Variants in FCER1A observed in about 807,000 individuals in gnomAD.
The protein encoded by FCER1A is high affinity immunoglobulin epsilon receptor subunit alpha.
In FCER1A, 24 loss-of-function variants were observed where a neutral mutation model predicts 23.6. The ratio of observed to expected loss-of-function variants is 1.02; its 90% CI spans 0.74 to 1.43. The LOEUF (loss-of-function observed/expected upper bound fraction) is 1.43, where lower values mean the gene tolerates loss of function less well. FCER1A is among the 40% of genes most tolerant of loss of function. The pLI, the probability that FCER1A is intolerant of heterozygous loss-of-function variation, is 0.00. For synonymous variants in FCER1A, 121 were observed against 108.8 expected (o/e 1.11, Z -0.70); for missense variants, 318 against 294.5 (o/e 1.08, Z -0.58).
the FCER1A span, among the ~76,000 whole-genome samples, chr1:159,283,616 C>A: frequency 1.3e-5 from 2 of 152,146 alleles, no homozygotes; most frequent in African/African-American, 2.4e-5. Flanking sequence ...GGTGAAAAAA[C>A]CTTGTATTCA....
intron 1 of FCER1A, among the ~76,000 whole-genome samples, chr1:159,291,423 A>G (rs747731916): frequency 6.6e-5 from 10 of 152,264 alleles, no homozygotes; most frequent in Middle Eastern, 6.8e-3. Context: ...ATGATCTGTA[A>G]CAGTCTTTTT....
rs768690830 is a variant in FCER1A, at chr1:159,306,237, T to A, written c.581T>A (p.Val194Glu). ...DYESEPLNIT[V>E]IKAPREKYWL... ...GAGTCTGAGCCCCTCAACATTACTG[T>A]AATAAAAGGTGAGTTGGTAAAGGAA... Residue 194 changes from valine to glutamate, a missense_variant, in exon 4 of 5, where the codon GTA becomes GAA. By Grantham distance (121) the Val-to-Glu change is moderately radical. Transcript: ENST00000693622. 1 of 1,612,756 alleles carries A rather than the reference T, an allele frequency of 6.2e-7. No homozygotes were observed.
chr1:159,299,682 G>A (rs760232201), upstream of FCER1A, among the ~76,000 whole-genome samples: 1 of 152,120 alleles, frequency 6.6e-6, no homozygotes, highest in Non-Finnish European at 1.5e-5. Context: ...TTCAGTGAAC[G>A]TGTGTTCCTG....
upstream of FCER1A, among the ~76,000 whole-genome samples, chr1:159,297,492 G>A (rs1652322216): frequency 6.6e-6 from 1 of 152,136 alleles, no homozygotes; most frequent in Non-Finnish European, 1.5e-5. Flanking sequence ...TATATGTTCT[G>A]TTCTAACCAC....
intron 1 of FCER1A, among the ~76,000 whole-genome samples, chr1:159,292,343 A>T (rs779807988): frequency 1.3e-5 from 2 of 152,074 alleles, no homozygotes; most frequent in Admixed American, 6.6e-5. Context: ...TTTCTCCCCC[A>T]ATTCTAGTAC....
intron 1 of FCER1A, among the ~76,000 whole-genome samples, chr1:159,292,618 A>G (rs1055624746): frequency 2.0e-5 from 3 of 152,136 alleles, no homozygotes; most frequent in Non-Finnish European, 4.4e-5. Context: ...CGACATACCT[A>G]TCTATATATA....
chr1:159,284,759 T>C (rs541417686), upstream of FCER1A, among the ~76,000 whole-genome samples: 1 of 152,326 alleles, frequency 6.6e-6, no homozygotes, highest in South Asian at 2.1e-4. Context: ...TTATTACTTT[T>C]GTAGCCTTTC....
chr1:159,285,973 T>G (rs1357769026), upstream of FCER1A, among the ~76,000 whole-genome samples: 1 of 152,204 alleles, frequency 6.6e-6, no homozygotes, highest in Non-Finnish European at 1.5e-5. Context: ...TCACTTGAGA[T>G]CAGGAGTGCA....
chr1:159,303,939 C>A lies in FCER1A; in HGVS notation c.88C>A (p.Pro30Thr), dbSNP rs776199026. The A allele has an allele frequency of 6.2e-7, 1 of 1,611,992 alleles. No homozygotes were observed. Among genetic ancestry groups the A allele is most frequent in the African/African-American group, 1.3e-5 (1 of 74,958 alleles). The change falls in exon 3 of 5, where the codon CCT (proline) becomes ACT (threonine). Residue 30 changes from proline (P) to threonine (T), a missense_variant. Physicochemically the swap from Pro to Thr is conservative, Grantham distance 38. Coordinates refer to ENST00000693622, the MANE Select transcript of FCER1A (RefSeq NM_001387280.1). ...TTATCTTCTTGAAGTCCCTCAGAAA[C>A]CTAAGGTCTCCTTGAACCCTCCATG... ...PDGVLAVPQK[P>T]KVSLNPPWNR...
chr1:159,306,190 C>T lies in FCER1A; in HGVS notation c.534C>T (p.Gly178=). ...VEDSGTYYCT[G]KVWQLDYESE... is the part of the protein sequence containing the mutation. The stretch of plus-strand genomic sequence containing the variant: ...ACAGTGGAACCTACTACTGTACGGG[C>T]AAAGTGTGGCAGCTGGACTATGAGT... The change falls in exon 4 of 5, where the codon GGC becomes GGT. Residue 178 remains glycine (G), a synonymous_variant. Transcript: ENST00000693622. 1 of 1,613,974 alleles carries T rather than the reference C, an allele frequency of 6.2e-7. No individual in the cohort carries two copies. The highest frequency in any genetic ancestry group is 1.1e-5 in the South Asian group (1 of 91,072).
At chr1:159,292,136 T>G (rs1217191514) in intron 1 of FCER1A, among the ~76,000 whole-genome samples, 1 of 152,144 alleles carries the variant, frequency 6.6e-6, no homozygotes, top group Non-Finnish European at 1.5e-5. Context: ...TTTTTCTCTC[T>G]CTTCAGCTGA....
At position 159,308,167 on chromosome 1, in the gene FCER1A, G is replaced by C. The variant is rs1652674271; in HGVS notation, c.*235G>C. ...GATTCATTTATTAGCATTTGTAAAA[G>C]AGATGTTCAATTTCAATAAAATAAA... On this transcript the variant is annotated 3_prime_UTR_variant, in exon 5 of 5. Coordinates refer to ENST00000693622, the MANE Select transcript of FCER1A (RefSeq NM_001387280.1). 2 of 407,612 alleles carry C rather than the reference G, an allele frequency of 4.9e-6. No individual in the cohort carries two copies. The highest frequency in any genetic ancestry group is 2.0e-5 in the African/African-American group (1 of 49,544). The allele number at this position is 407,612 out of a possible 1,614,324, so 25.2% of individuals were successfully genotyped here.
chr1:159,288,600 C>T (rs1652074765), upstream of FCER1A, among the ~76,000 whole-genome samples: 1 of 152,188 alleles, frequency 6.6e-6, no homozygotes, highest in South Asian at 2.1e-4. Context: ...CAGAGCTCTA[C>T]TGCACTCTTA....
At chr1:159,291,121 G>A (rs1243902505) in intron 1 of FCER1A, among the ~76,000 whole-genome samples, 1 of 152,112 alleles carries the variant, frequency 6.6e-6, no homozygotes, top group Non-Finnish European at 1.5e-5. Context: ...AATCTTACTA[G>A]CACAGTAGAA....
chr1:159,305,509 A>G (rs1012422744), intron 3 of FCER1A, among the ~76,000 whole-genome samples: 3 of 152,168 alleles, frequency 2.0e-5, no homozygotes, highest in Non-Finnish European at 4.4e-5. Flanking sequence ...CATTAAATAA[A>G]GAATTACATA....
intron 1 of FCER1A, among the ~76,000 whole-genome samples, chr1:159,290,388 C>T (rs1333492903): frequency 1.3e-5 from 2 of 151,962 alleles, no homozygotes; most frequent in African/African-American, 4.8e-5. Context: ...CCTGCAAACC[C>T]TAGCAGTGTC....
At chr1:159,307,071 A>G (rs1056853974) in intron 4 of FCER1A, among the ~76,000 whole-genome samples, 1 of 152,182 alleles carries the variant, frequency 6.6e-6, no homozygotes, top group Non-Finnish European at 1.5e-5. Flanking sequence ...AAATATATTG[A>G]TGCTCATGTC....
upstream of FCER1A, among the ~76,000 whole-genome samples, chr1:159,288,073 G>A (rs1652060567): frequency 6.6e-6 from 1 of 152,122 alleles, no homozygotes; most frequent in Admixed American, 6.6e-5. Context: ...AGGTAAGAAT[G>A]GAGTAATATG....
chr1:159,287,547 A>G (rs774573276), upstream of FCER1A, among the ~76,000 whole-genome samples: 12 of 152,060 alleles, frequency 7.9e-5, no homozygotes, highest in Admixed American at 2.0e-4. Context: ...GGTTTCCACA[A>G]AGGATGAATA....
Sources: gnomAD v4.1 joint callset for allele counts (sites outside exome capture counted in the v4.1 genomes callset) on GRCh38, gnomAD v4.1.1 for gene constraint, MANE v1.5 for transcripts, NCBI Gene and HGNC (gene_info 2026-07-23, HGNC 2026-07-21) for gene names.